Variants in SLC35E2B observed in about 807,000 individuals in gnomAD.
SLC35E2B encodes the protein solute carrier family 35 member E2B.
In SLC35E2B, 18 loss-of-function variants were observed where a neutral mutation model predicts 32.4. The observed-to-expected ratio is 0.56, with a 90% confidence interval of 0.38 to 0.82. The LOEUF (loss-of-function observed/expected upper bound fraction) is 0.82, where lower values mean the gene tolerates loss of function less well. Ranked by LOEUF, SLC35E2B falls within the 40% of genes least tolerant of loss-of-function variation. The probability of loss-of-function intolerance (pLI) is 0.00; values close to 1 mark genes in which losing one functional copy is unlikely to be tolerated. For missense variants in SLC35E2B, 263 were observed against 469.5 expected, an observed-to-expected ratio of 0.56 and a Z score of 4.06; for synonymous variants, 132 against 209.1, an observed-to-expected ratio of 0.63 and a Z score of 3.18.
intron 9 of SLC35E2B, among the ~76,000 whole-genome samples, 171 bp downstream of exon 9, chr1:1,668,156 G>A (rs1015224090): frequency 3.3e-5 from 5 of 151,924 alleles, no homozygotes; most frequent in Non-Finnish European, 5.9e-5. Context: ...CCGGCCTATC[G>A]TTTGCATTTC....
Position 1,665,675 on chromosome 1 carries a change from A to G in SLC35E2B, c.*107T>C, listed in dbSNP as rs1415780150. The stretch of plus-strand genomic sequence containing the variant: ...GAAAGCCGCAGGCAATGGCCAACTT[A>G]GCTCCCCATGTCCTGCACCCCAGCA... On this transcript the variant is annotated 3_prime_UTR_variant, in exon 10 of 10. Transcript: ENST00000617444. 1 of 1,451,468 alleles carries G rather than the reference A, an allele frequency of 6.9e-7. No homozygotes were observed. Among genetic ancestry groups the G allele is most frequent in the Admixed American group, 2.6e-5 (1 of 38,546 alleles). The allele number at this position is 1,451,468 out of a possible 1,614,324, so 89.9% of individuals were successfully genotyped here.
At chr1:1,668,230 G>A (rs1479558352) in intron 9 of SLC35E2B, 97 bp downstream of exon 9, 1 of 1,479,798 alleles carries the variant, frequency 6.8e-7, no homozygotes, top group African/African-American at 1.4e-5. Flanking sequence ...CCCCGTGGAA[G>A]AGAATCACAT....
In SLC35E2B at chr1:1,665,122, C is replaced by T. The variant is rs953439688; in HGVS notation, c.*660G>A. The T allele has an allele frequency of 1.9e-5, 4 of 206,576 alleles. No individual in the cohort carries two copies. The highest frequency in any genetic ancestry group is 3.4e-5 in the Non-Finnish European group (4 of 117,650). The allele number at this position is 206,576 out of a possible 1,614,324, so 12.8% of individuals were successfully genotyped here. On this transcript the variant is annotated 3_prime_UTR_variant, in exon 10 of 10. Transcript: ENST00000617444. The stretch of plus-strand genomic sequence containing the variant: ...TGTGGAAGAGGTAGGGGGCCTTCCT[C>T]TAAACAGAAGCGACTGAACGGCCTC...
chr1:1,681,228 C>T (rs1017505228), intron 2 of SLC35E2B, among the ~76,000 whole-genome samples: 3 of 152,094 alleles, frequency 2.0e-5, no homozygotes, highest in South Asian at 2.1e-4. Flanking sequence ...GATAGAGTCT[C>T]GCTCTGTCAG....
Position 1,673,345 on chromosome 1 carries a change from C to T in SLC35E2B, c.587-1716G>A. The T allele has an allele frequency of 4.2e-6, 2 of 474,686 alleles. 1 individual carries two copies. The highest frequency in any genetic ancestry group is 3.1e-5 in the South Asian group (2 of 64,538). The allele number at this position is 474,686 out of a possible 1,614,324, so 29.4% of individuals were successfully genotyped here. Reference sequence around the variant, plus strand: ...CAGCTCAGGGAGCTGAATATTACAGCAGTGAGGGAAACTGAAGTTGGTGGT... The same window carrying T: ...CAGCTCAGGGAGCTGAATATTACAGTAGTGAGGGAAACTGAAGTTGGTGGT... On this transcript the variant is annotated intron_variant, in intron 5 of 9. Coordinates refer to ENST00000617444, the MANE Select transcript of SLC35E2B (RefSeq NM_001290264.2).
chr1:1,670,207 G>T (rs555458885), intron 6 of SLC35E2B, 56 bp from the exon 7 acceptor site: 10 of 1,291,394 alleles, frequency 7.7e-6, no homozygotes, highest in South Asian at 2.5e-5. Flanking sequence ...CGGAACATCA[G>T]GGGGAGAAGG....
Position 1,668,402 on chromosome 1 carries a change from G to C in SLC35E2B, c.905C>G (p.Thr302Arg), listed in dbSNP as rs1368092350. 6.2e-7 allele frequency: 1 copy of C among 1,613,420 alleles called. No individual in the cohort carries two copies. The highest frequency in any genetic ancestry group is 1.7e-5 in the Admixed American group (1 of 59,922). The change falls in exon 9 of 10, where the codon ACA becomes AGA. Residue 302 changes from threonine (T) to arginine (R), a missense_variant. Thr to Arg is a moderately conservative substitution (Grantham distance 71). Coordinates refer to ENST00000617444, the MANE Select transcript of SLC35E2B (RefSeq NM_001290264.2). ...YNQDVVLLLLTDGVLFHLQSV... is the reference protein window; with the variant it reads ...YNQDVVLLLLRDGVLFHLQSV... Reference sequence around the variant, plus strand: ...CTGAAGGTGGAACAGGACTCCGTCTGTCAGAAGCAGCAGCACCACGTCCTG... The same window carrying C: ...CTGAAGGTGGAACAGGACTCCGTCTCTCAGAAGCAGCAGCACCACGTCCTG...
intron 2 of SLC35E2B, among the ~76,000 whole-genome samples, chr1:1,679,299 G>C (rs1172876313): frequency 6.6e-6 from 1 of 152,108 alleles, no homozygotes; most frequent in Non-Finnish European, 1.5e-5. Context: ...TCTCCCTCTT[G>C]CCAGAACAGT....
chr1:1,664,321 C>T lies in SLC35E2B; in HGVS notation c.*1461G>A. ...TGAATGATTTTATCTTCAGGAGGGG[C>T]TATTTTTGTATTTCCCAGGTGAGAA... is the stretch of plus-strand genomic sequence containing the variant. On this transcript the variant is annotated 3_prime_UTR_variant, in exon 10 of 10. Coordinates refer to ENST00000617444, the MANE Select transcript of SLC35E2B (RefSeq NM_001290264.2). 1.1e-6 allele frequency: 1 copy of T among 922,200 alleles called. No homozygotes were observed. Among genetic ancestry groups the T allele is most frequent in the Non-Finnish European group, 1.3e-6 (1 of 772,160 alleles). The allele number at this position is 922,200 out of a possible 1,614,324, so 57.1% of individuals were successfully genotyped here.
rs1570299786 is a variant in SLC35E2B at position 1,662,958 on chromosome 1, C to T, written c.*2824G>A. 1.1e-6 allele frequency: 1 copy of T among 919,574 alleles called. No individual in the cohort carries two copies. Among genetic ancestry groups the T allele is most frequent in the Non-Finnish European group, 1.3e-6 (1 of 769,148 alleles). The allele number at this position is 919,574 out of a possible 1,614,324, so 57.0% of individuals were successfully genotyped here. A position where few individuals can be genotyped will look rare whatever the true frequency, so the allele number is the denominator to read the frequency against. ...TAAAAAATGTCTGTACAATCGTTAA[C>T]ACGGCCAAGCCAGGCCTTGGGTTTT... On this transcript the variant is annotated 3_prime_UTR_variant, in exon 10 of 10. Coordinates refer to ENST00000617444, the MANE Select transcript of SLC35E2B (RefSeq NM_001290264.2).
rs527702193 is a variant in SLC35E2B, at chr1:1,669,687, C to T, written c.811G>A (p.Val271Ile). 3.5e-5 allele frequency: 54 copies of T among 1,531,292 alleles called. 1 individual carries two copies. The South Asian group carries it at 4.7e-4, about 13-fold the overall frequency. 94.9% of individuals were successfully genotyped at this position (1,531,292 alleles called of 1,614,324 possible). The change falls in exon 8 of 10, where the codon GTC becomes ATC. Residue 271 changes from valine to isoleucine, a missense_variant. By Grantham distance (29) the Val-to-Ile change is conservative. Coordinates refer to ENST00000617444, the MANE Select transcript of SLC35E2B (RefSeq NM_001290264.2). ...ACCGTAAAGAAAACCCGGGCCGGGA[C>T]GAGCATGGCCACCGCAGCGGCGCTG... ...YTSAAAVAML[V>I]PARVFFTDVP...
chr1:1,666,015 C>T lies in SLC35E2B; in HGVS notation c.985G>A (p.Ala329Thr), dbSNP rs754356640. 1.9e-5 allele frequency: 30 copies of T among 1,550,098 alleles called. No individual in the cohort carries two copies. The highest frequency in any genetic ancestry group is 7.3e-5 in the East Asian group (3 of 40,902). Reference sequence around the variant, plus strand: ...GACAAGGCATGTTTCACGGTGCTGGCGACGCTGCGGAGGCAAGGGGAGGCA... The same window carrying T: ...GACAAGGCATGTTTCACGGTGCTGGTGACGCTGCGGAGGCAAGGGGAGGCA... ...GKISPVTFSV[A>T]STVKHALSIW... Residue 329 changes from alanine (A) to threonine (T), a missense_variant, in exon 10 of 10, where the codon GCC (alanine) becomes ACC (threonine). By Grantham distance (58) the Ala-to-Thr change is moderately conservative. Coordinates refer to ENST00000617444, the MANE Select transcript of SLC35E2B (RefSeq NM_001290264.2).
Position 1,686,253 on chromosome 1 carries a change from C to T in SLC35E2B, c.-148+4723G>A, listed in dbSNP as rs574461935. On this transcript the variant is annotated intron_variant, in intron 2 of 9. Transcript: ENST00000617444. Reference sequence around the variant, plus strand: ...TCCTGACCTCGTGATCTGCCTGCCTCGGCCTCCCAAAGTGCTGGGATTTAC... The same window carrying T: ...TCCTGACCTCGTGATCTGCCTGCCTTGGCCTCCCAAAGTGCTGGGATTTAC... 2.6e-5 allele frequency among the ~76,000 whole-genome samples: 4 copies of T among 151,876 alleles called. No homozygotes were observed. The East Asian group carries it at 5.8e-4, about 22-fold the overall frequency.
chr1:1,679,370 A>G (rs28707307), intron 2 of SLC35E2B, among the ~76,000 whole-genome samples: 3,496 of 152,194 alleles, frequency 0.023, 154 homozygotes, highest in African/African-American at 0.078. Flanking sequence ...GCTCCCCGCA[A>G]TGAGGACCCC....
Position 1,670,112 on chromosome 1 carries a change from G to C in SLC35E2B, c.747C>G (p.Asp249Glu). 3.2e-6 allele frequency: 5 copies of C among 1,551,702 alleles called. No individual in the cohort carries two copies. The highest frequency in any genetic ancestry group is 1.4e-5 in the African/African-American group (1 of 73,132). Reference protein sequence around the residue: ...NVFSKKLLSGDKYRFSAPELQ... With the variant: ...NVFSKKLLSGEKYRFSAPELQ... The stretch of plus-strand genomic sequence containing the variant: ...ATAATACTTACGAGAACCTGTATTT[G>C]TCCCCGCTGAGCAGCTTTTTTGAAA... The change falls in exon 7 of 10, where the codon GAC becomes GAG. Residue 249 changes from aspartate (D) to glutamate (E), a missense_variant. Around this residue, in one of 7 missense-constraint regions of SLC35E2B, gnomAD observed 129 missense variants for 164.5 expected, o/e 0.78. Transcript: ENST00000617444.
At chr1:1,688,729 T>C (rs575643785) in intron 2 of SLC35E2B, among the ~76,000 whole-genome samples, 5 of 152,068 alleles carry the variant, frequency 3.3e-5, no homozygotes, top group East Asian at 1.9e-4. Context: ...GAGAAAGCTA[T>C]GCACGCACGA....
rs1458090752 is a variant in SLC35E2B, at chr1:1,690,302, A to C, written c.-148+674T>G. Among the ~76,000 whole-genome samples, 225 of 97,324 alleles carry C rather than the reference A, an allele frequency of 2.3e-3. 5 individuals carry two copies. Among genetic ancestry groups the C allele is most frequent in the African/African-American group, 3.5e-3 (103 of 29,192 alleles). 63.8% of individuals were successfully genotyped at this position (97,324 alleles called of 152,430 possible). Reference sequence around the variant, plus strand: ...TCTCAAAAAAAAAAAAAAGAAACAAAAAAAAATATATATATATATATACAT... The same window carrying C: ...TCTCAAAAAAAAAAAAAAGAAACAACAAAAAATATATATATATATATACAT... On this transcript the variant is annotated intron_variant, in intron 2 of 9. Coordinates refer to ENST00000617444, the MANE Select transcript of SLC35E2B (RefSeq NM_001290264.2).
At chr1:1,684,789 C>CAAAA (rs1175219653) in intron 2 of SLC35E2B, among the ~76,000 whole-genome samples, 1,860 of 23,690 alleles carry the variant, frequency 0.079, 363 homozygotes, top group Non-Finnish European at 0.11. Context: ...GACTCCATCT[C>CAAAA]AAAAAAAAAA....
At chr1:1,668,176 G>A (rs374865264) in intron 9 of SLC35E2B, 151 bp downstream of exon 9, 2 of 1,074,844 alleles carry the variant, frequency 1.9e-6, no homozygotes, top group South Asian at 1.7e-5. Context: ...CAAACAGCAT[G>A]GGTATAAAAT....
Sources: gnomAD v4.1 joint callset for allele counts (sites outside exome capture counted in the v4.1 genomes callset) on GRCh38, gnomAD v4.1.1 for gene constraint, gnomAD v4.1.1 regional missense constraint, MANE v1.5 for transcripts, NCBI Gene and HGNC (gene_info 2026-07-23, HGNC 2026-07-21) for gene names.